Variants in C1orf21 observed in about 807,000 individuals in gnomAD.
C1orf21 encodes uncharacterized protein C1orf21.
Under a neutral mutation model 18.7 loss-of-function variants are expected in C1orf21, and 3 were observed. That is an observed-to-expected ratio of 0.16 (90% CI 0.07 to 0.42). The LOEUF (loss-of-function observed/expected upper bound fraction) is 0.42. Among genes scored for constraint, C1orf21 ranks in the 10% least tolerant of loss-of-function variants. The probability of loss-of-function intolerance (pLI) is 0.99; values close to 1 mark genes in which losing one functional copy is unlikely to be tolerated. For missense variants in C1orf21, 104 were observed against 143.6 expected (o/e 0.72, Z 1.41); for synonymous variants, 41 against 46.4 (o/e 0.88, Z 0.47).
At chr1:184,511,157 T>G (rs1321521759) in intron 3 of C1orf21, among the ~76,000 whole-genome samples, 1 of 152,188 alleles carries the variant, frequency 6.6e-6, no homozygotes, top group Non-Finnish European at 1.5e-5. Context: ...ATCCATCCAT[T>G]CATTCTTTAT....
intron 3 of C1orf21, among the ~76,000 whole-genome samples, chr1:184,578,528 C>T (rs1255180996): frequency 6.6e-6 from 1 of 152,132 alleles, no homozygotes; most frequent in Non-Finnish European, 1.5e-5. Flanking sequence ...ATTGACTAGT[C>T]CTGTTCCACT....
chr1:184,500,660 G>C (rs555369232), intron 2 of C1orf21, among the ~76,000 whole-genome samples: 5 of 152,334 alleles, frequency 3.3e-5, no homozygotes, highest in South Asian at 4.1e-4. Context: ...GAAGAGAAAG[G>C]TCTTTTGAAG....
intron 3 of C1orf21, among the ~76,000 whole-genome samples, chr1:184,578,732 ATAGT>A (rs1368442206): frequency 6.6e-6 from 1 of 152,182 alleles, no homozygotes; most frequent in African/African-American, 2.4e-5. Context: ...TTAATCTTAG[ATAGT>A]TAGATAGTTC....
intron 5 of C1orf21, 42 bp downstream of exon 5, chr1:184,598,503 A>G (rs1471112421): frequency 1.3e-6 from 2 of 1,547,396 alleles, no homozygotes; most frequent in African/African-American, 2.7e-5. Flanking sequence ...CAAGGGAAGT[A>G]TAGTAATGGC....
At chr1:184,460,608 A>ATTG (rs1363450938) in intron 1 of C1orf21, among the ~76,000 whole-genome samples, 6 of 143,098 alleles carry the variant, frequency 4.2e-5, no homozygotes, top group African/African-American at 1.7e-4. Flanking sequence ...GGCTGTTAGT[A>ATTG]TTGTCGTCGT....
In C1orf21 at chr1:184,625,880, C is replaced by T. The variant is rs576675094; in HGVS notation, c.*6324C>T. 9.1e-4 allele frequency: 139 copies of T among 152,318 alleles called. 1 individual carries two copies. Among genetic ancestry groups the T allele is most frequent in the African/African-American group, 3.3e-3 (136 of 41,530 alleles). The allele number at this position is 152,318 out of a possible 1,614,324, so 9.4% of individuals were successfully genotyped here. A position where few individuals can be genotyped will look rare whatever the true frequency, so the allele number is the denominator to read the frequency against. On this transcript the variant is annotated 3_prime_UTR_variant, in exon 6 of 6. Coordinates refer to ENST00000235307, the MANE Select transcript of C1orf21 (RefSeq NM_030806.4). ...TGACATCCTTTCCTGGCCTTACACA[C>T]ATAATAGACACATCCCTAACGGCGT...
intron 1 of C1orf21, among the ~76,000 whole-genome samples, chr1:184,450,239 G>T (rs1482627129): frequency 6.6e-6 from 1 of 152,062 alleles, no homozygotes; most frequent in Non-Finnish European, 1.5e-5. Flanking sequence ...TCAGGGAGGT[G>T]GAGAGCACGC....
intron 5 of C1orf21, among the ~76,000 whole-genome samples, chr1:184,599,087 T>C (rs1659554173): frequency 1.3e-5 from 2 of 152,194 alleles, no homozygotes; most frequent in African/African-American, 4.8e-5. Context: ...GACAGTAAGA[T>C]ACAAAGTCGA....
intron 3 of C1orf21, among the ~76,000 whole-genome samples, chr1:184,586,648 T>C (rs1010618643): frequency 1.3e-5 from 2 of 152,152 alleles, no homozygotes; most frequent in African/African-American, 4.8e-5. Flanking sequence ...AGTTCCTTAT[T>C]GATGCTGGAT....
intron 3 of C1orf21, among the ~76,000 whole-genome samples, chr1:184,545,722 A>G (rs1658718788): frequency 1.3e-5 from 2 of 152,156 alleles, no homozygotes. Flanking sequence ...ACTGAGCAAG[A>G]ATTCTTGTTG....
intron 5 of C1orf21, among the ~76,000 whole-genome samples, chr1:184,611,104 G>A (rs1357593238): frequency 6.6e-6 from 1 of 152,124 alleles, no homozygotes; most frequent in Non-Finnish European, 1.5e-5. Context: ...TTTTCCAGCT[G>A]AAACAATAAC....
At chr1:184,579,334 G>A (rs981002463) in intron 3 of C1orf21, among the ~76,000 whole-genome samples, 1 of 141,214 alleles carries the variant, frequency 7.1e-6, no homozygotes, top group African/African-American at 2.6e-5. Flanking sequence ...TTATAGGCAT[G>A]AACTACTACA....
chr1:184,504,903 G>A (rs1056470011), intron 2 of C1orf21, among the ~76,000 whole-genome samples: 4 of 152,246 alleles, frequency 2.6e-5, no homozygotes, highest in East Asian at 1.9e-4. Context: ...GTCTAAATTG[G>A]TGGGGATTCT....
At position 184,520,343 on chromosome 1, in the gene C1orf21, G is replaced by A. The variant is rs538779846; in HGVS notation, c.189+12661G>A. Among the ~76,000 whole-genome samples the A allele has an allele frequency of 6.2e-4, 94 of 152,254 alleles. 4 individuals carry two copies. The South Asian group carries it at 0.019, about 31-fold the overall frequency. On this transcript the variant is annotated intron_variant, in intron 3 of 5. Transcript: ENST00000235307. ...CTTCTTTTAGAATTTTTACAGTTGA[G>A]TGCATAAAATGAGACAGGAATCTGG...
At chr1:184,557,179 A>C (rs187757968) in intron 3 of C1orf21, among the ~76,000 whole-genome samples, 183 of 152,260 alleles carry the variant, frequency 1.2e-3, no homozygotes, top group Middle Eastern at 3.4e-3. Flanking sequence ...GGGGGTCATG[A>C]ACTGTGCCAT....
chr1:184,517,662 A>C (rs1157016542), intron 3 of C1orf21, among the ~76,000 whole-genome samples: 1 of 146,300 alleles, frequency 6.8e-6, no homozygotes, highest in Admixed American at 7.6e-5. Context: ...GAATTATAAG[A>C]GAGAGTTCTG....
At chr1:184,391,803 G>A (rs1211881330) in intron 1 of C1orf21, among the ~76,000 whole-genome samples, 1 of 151,946 alleles carries the variant, frequency 6.6e-6, no homozygotes, top group African/African-American at 2.4e-5. Flanking sequence ...CACCTCCTGG[G>A]TCCAAGCAAT....
chr1:184,393,422 G>A (rs535936026), intron 1 of C1orf21, among the ~76,000 whole-genome samples: 13 of 152,154 alleles, frequency 8.5e-5, no homozygotes, highest in Admixed American at 3.3e-4. Flanking sequence ...TGTTTCTCAG[G>A]CTCCCGCCAT....
At chr1:184,423,368 A>G (rs574455462) in intron 1 of C1orf21, among the ~76,000 whole-genome samples, 2 of 152,304 alleles carry the variant, frequency 1.3e-5, no homozygotes, top group Admixed American at 6.5e-5. Context: ...ATGATGGAGG[A>G]TATATCCAAG....
Sources: gnomAD v4.1 joint callset for allele counts (sites outside exome capture counted in the v4.1 genomes callset) on GRCh38, gnomAD v4.1.1 for gene constraint, MANE v1.5 for transcripts, NCBI Gene and HGNC (gene_info 2026-07-23, HGNC 2026-07-21) for gene names.